Variants in RUNX1 observed in about 807,000 individuals in gnomAD.
The protein encoded by RUNX1 is runt-related transcription factor 1.
Under a neutral mutation model 42.8 loss-of-function variants are expected in RUNX1, and 19 were observed. The ratio of observed to expected loss-of-function variants is 0.44; its 90% CI spans 0.31 to 0.65. The LOEUF (loss-of-function observed/expected upper bound fraction) is 0.65. Ranked by LOEUF, RUNX1 falls within the 30% of genes least tolerant of loss-of-function variation. RUNX1 has a pLI of 0.07. For synonymous variants in RUNX1, 271 were observed against 289.4 expected (o/e 0.94, Z 0.64); for missense variants, 528 against 672.0 (o/e 0.79, Z 2.37).
intron 7 of RUNX1, chr21:34,821,267 A>G (rs2056904022): frequency 9.3e-7 from 1 of 1,075,164 alleles, no homozygotes; most frequent in African/African-American, 1.6e-5. Flanking sequence ...AAGAGCACAT[A>G]AATAGCAATA....
At chr21:34,851,782 G>A (rs2057422555) in intron 6 of RUNX1, among the ~76,000 whole-genome samples, 1 of 152,198 alleles carries the variant, frequency 6.6e-6, no homozygotes, top group Non-Finnish European at 1.5e-5. Flanking sequence ...GATTGAGAAG[G>A]TGCCTAGATC....
intron 2 of RUNX1, among the ~76,000 whole-genome samples, chr21:35,046,850 T>A (rs1166132277): frequency 6.6e-6 from 1 of 151,890 alleles, no homozygotes; most frequent in Non-Finnish European, 1.5e-5. Flanking sequence ...GAAAAACCTT[T>A]CCAGATGATC....
At chr21:34,880,798 A>C (rs1419082271) in intron 4 of RUNX1, 85 bp from the exon 5 acceptor site, 3 of 1,329,594 alleles carry the variant, frequency 2.3e-6, no homozygotes, top group Non-Finnish European at 3.2e-6. Flanking sequence ...TTATTCTAAA[A>C]TTAAATGTAT....
intron 2 of RUNX1, among the ~76,000 whole-genome samples, chr21:35,040,770 C>CAAAAAAAAAAAAAAAAA (rs1568808489): frequency 3.9e-5 from 2 of 50,988 alleles, no homozygotes; most frequent in Non-Finnish European, 9.5e-5. Context: ...TAGACTCCAT[C>CAAAAAAAAAAAAAAAAA]CAAAAAAAAA....
At chr21:35,026,590 A>G (rs778253819) in intron 2 of RUNX1, among the ~76,000 whole-genome samples, 17 of 152,204 alleles carry the variant, frequency 1.1e-4, no homozygotes, top group Non-Finnish European at 2.2e-4. Context: ...AGAGAAAGCA[A>G]CTTCAGCTTC....
At chr21:34,840,831 G>C (rs1569043207) in intron 6 of RUNX1, among the ~76,000 whole-genome samples, 1 of 152,146 alleles carries the variant, frequency 6.6e-6, no homozygotes, top group South Asian at 2.1e-4. Flanking sequence ...AGTTAGTTAT[G>C]AGTGACCTTG....
intron 7 of RUNX1, among the ~76,000 whole-genome samples, chr21:34,811,587 C>T (rs1463190402): frequency 6.6e-6 from 1 of 152,232 alleles, no homozygotes; most frequent in Non-Finnish European, 1.5e-5. Context: ...CTCTGAACGG[C>T]TTTACAACTA....
chr21:34,847,593 T>C (rs1025399808), intron 6 of RUNX1, among the ~76,000 whole-genome samples: 3 of 152,180 alleles, frequency 2.0e-5, no homozygotes, highest in African/African-American at 4.8e-5. Context: ...CCCTGTGCAG[T>C]AGGCAGAACT....
At chr21:34,884,377 G>T (rs193045749) in intron 4 of RUNX1, among the ~76,000 whole-genome samples, 1 of 152,330 alleles carries the variant, frequency 6.6e-6, no homozygotes, top group East Asian at 1.9e-4. Context: ...AAGGCCTTCA[G>T]TGATCTTTTC....
intron 7 of RUNX1, among the ~76,000 whole-genome samples, chr21:34,830,226 T>A (rs934173401): frequency 6.6e-6 from 1 of 152,194 alleles, no homozygotes; most frequent in Non-Finnish European, 1.5e-5. Context: ...TTGGTCCCAA[T>A]GAACTTCAAA....
intron 3 of RUNX1, 161 bp from the exon 4 acceptor site, chr21:34,887,257 G>GGGGGGGGT: frequency 3.1e-6 from 4 of 1,309,544 alleles, no homozygotes; most frequent in Admixed American, 2.9e-5. Context: ...GGGGGCGGGG[G>GGGGGGGGT]TGGTTAGGGG....
intron 6 of RUNX1, among the ~76,000 whole-genome samples, chr21:34,855,710 AAAAC>A (rs1275302847): frequency 1.2e-4 from 19 of 152,302 alleles, no homozygotes; most frequent in East Asian, 3.9e-4. Context: ...CTCTGTCTCA[AAAAC>A]AAACAAACAA....
Position 34,792,004 on chromosome 21 carries a change from C to A in RUNX1, c.*131G>T. Reference sequence around the variant, plus strand: ...CTACAGCGAGATCCTGGCCGTCGGGCGCCCTCGGCCCCAGGACGGTGGCCG... The same window carrying A: ...CTACAGCGAGATCCTGGCCGTCGGGAGCCCTCGGCCCCAGGACGGTGGCCG... On this transcript the variant is annotated 3_prime_UTR_variant, in exon 9 of 9. Coordinates refer to ENST00000675419, the MANE Select transcript of RUNX1 (RefSeq NM_001754.5). This position sits in a 1 kb window ranked among gnomAD's most constrained non-coding sequence, Gnocchi z 6.9. 3 of 525,686 alleles carry A rather than the reference C, an allele frequency of 5.7e-6. No homozygotes were observed. The highest frequency in any genetic ancestry group is 3.2e-6 in the Non-Finnish European group (1 of 316,696). 32.6% of individuals were successfully genotyped at this position (525,686 alleles called of 1,614,324 possible).
At chr21:34,992,142 G>C (rs1421465937) in intron 2 of RUNX1, among the ~76,000 whole-genome samples, 1 of 152,264 alleles carries the variant, frequency 6.6e-6, no homozygotes, top group East Asian at 1.9e-4. Flanking sequence ...CCCCCTCTCA[G>C]GAGAGTGAAG....
intron 8 of RUNX1, among the ~76,000 whole-genome samples, chr21:34,796,999 C>T (rs1157618930): frequency 6.6e-6 from 1 of 152,180 alleles, no homozygotes; most frequent in Non-Finnish European, 1.5e-5. Flanking sequence ...AAAGCAGCCA[C>T]AGAGCAGTGT....
intron 2 of RUNX1, among the ~76,000 whole-genome samples, chr21:34,989,015 T>TCTCTCTC (rs1491284196): frequency 4.1e-5 from 5 of 123,078 alleles, no homozygotes; most frequent in African/African-American, 2.7e-4. Context: ...TCTCTCTCTC[T>TCTCTCTC]TTTTTTTTTT....
At position 34,986,787 on chromosome 21, in the gene RUNX1, C is replaced by T. The variant is rs539515957; in HGVS notation, c.58+62055G>A. On this transcript the variant is annotated intron_variant, in intron 2 of 8. Coordinates refer to ENST00000675419, the MANE Select transcript of RUNX1 (RefSeq NM_001754.5). The stretch of plus-strand genomic sequence containing the variant: ...TTCAGAGGGAGCACAGAAATGCCAG[C>T]GCCTTGATCTTGGAATTCTAGCCTC... Among the ~76,000 whole-genome samples, 7 of 151,966 alleles carry T rather than the reference C, an allele frequency of 4.6e-5. No homozygotes were observed. The South Asian group carries it at 6.2e-4, about 14-fold the overall frequency.
chr21:34,882,664 T>G (rs2057922498), intron 4 of RUNX1, among the ~76,000 whole-genome samples: 1 of 151,804 alleles, frequency 6.6e-6, no homozygotes, highest in Non-Finnish European at 1.5e-5. Flanking sequence ...TAAATCTCCC[T>G]GATCAGTTAT....
chr21:34,862,694 T>C (rs955854479), intron 5 of RUNX1, among the ~76,000 whole-genome samples: 4 of 152,222 alleles, frequency 2.6e-5, no homozygotes, highest in Admixed American at 6.5e-5. Flanking sequence ...ACATCAGTCA[T>C]TGGACTTATG....
Sources: allele counts gnomAD v4.1 joint callset (sites outside exome capture counted in the v4.1 genomes callset), GRCh38; gene constraint gnomAD v4.1.1; non-coding constraint Gnocchi (gnomAD v3.1); transcripts MANE v1.5; gene names NCBI Gene and HGNC (gene_info 2026-07-23, HGNC 2026-07-21).